RPAP1: variants seen among roughly 807,000 people sequenced by gnomAD.
The protein encoded by RPAP1 is RNA polymerase II-associated protein 1.
In RPAP1, 109 loss-of-function variants were observed where a neutral mutation model predicts 142.4. That is an observed-to-expected ratio of 0.77 (90% CI 0.66 to 0.90). RPAP1 has a LOEUF of 0.90. RPAP1 is among the 40% of genes least tolerant of loss of function. RPAP1 has a pLI of 0.00. For missense variants in RPAP1, 1,546 were observed against 1,751.7 expected (o/e 0.88, Z 2.10); for synonymous variants, 704 against 738.9 (o/e 0.95, Z 0.77).
intron 10 of RPAP1, 21 bp from the exon 11 acceptor site, chr15:41,528,048 C>T: frequency 6.2e-7 from 1 of 1,612,382 alleles, no homozygotes; most frequent in Non-Finnish European, 8.5e-7. Flanking sequence ...GAGGGTAAAA[C>T]CTTGCTGAAG....
intron 9 of RPAP1, 45 bp from the exon 10 acceptor site, chr15:41,528,381 G>T: frequency 1.5e-6 from 2 of 1,364,580 alleles, no homozygotes; most frequent in South Asian, 2.5e-5. Context: ...ATACAGCACA[G>T]TGCCCCCAAA....
At chr15:41,543,915 T>G (rs1412670182) in intron 1 of RPAP1, 1 of 152,208 alleles carries the variant, frequency 6.6e-6, no homozygotes, top group Admixed American at 6.5e-5. Flanking sequence ...GCTCTTACAT[T>G]GCAGCCTATC....
At chr15:41,531,452 C>T (rs2051846578) in intron 6 of RPAP1, among the ~76,000 whole-genome samples, 1 of 151,862 alleles carries the variant, frequency 6.6e-6, no homozygotes, top group Non-Finnish European at 1.5e-5. Flanking sequence ...TCCACTGGCC[C>T]AGGTTCCTAT....
chr15:41,534,418 C>CT (rs1383102870), intron 6 of RPAP1, among the ~76,000 whole-genome samples: 1 of 149,230 alleles, frequency 6.7e-6, no homozygotes, highest in African/African-American at 2.5e-5. Flanking sequence ...AACTCTGTCC[C>CT]CCCAAAAAAA....
chr15:41,523,783 G>A lies in RPAP1; in HGVS notation c.2424C>T (p.Ala808=), dbSNP rs1295176232. The stretch of plus-strand genomic sequence containing the variant: ...AGGAGGCACTCACTTGCTGGCTCCA[G>A]GCCTGGTAGTAGGCTCCCAGGAACA... ...CLLFLGAYYQ[A]WSQQPSSCPE... Residue 808 remains alanine, a synonymous_variant, in exon 17 of 25, where the codon GCC becomes GCT. Transcript: ENST00000304330. 2 of 1,600,414 alleles carry A rather than the reference G, an allele frequency of 1.2e-6. No individual in the cohort carries two copies. The highest frequency in any genetic ancestry group is 3.4e-5 in the Admixed American group (2 of 58,184).
In RPAP1 at chr15:41,537,032, A is replaced by C; in HGVS notation, c.94T>G (p.Leu32Val). ...CCGCCCCTATTTCCTTTCTTCACCA[A>C]CTGCACTGCTGGGGCTGCACCAGCT... ...LAAGAAPAVQ[L>V]VKKGNRGGGD... The change falls in exon 2 of 25, where the codon TTG (leucine) becomes GTG (valine). Residue 32 changes from leucine (L) to valine (V), a missense_variant. By Grantham distance (32) the Leu-to-Val change is conservative. Coordinates refer to ENST00000304330, the MANE Select transcript of RPAP1 (RefSeq NM_015540.4). 1 of 1,613,700 alleles carries C rather than the reference A, an allele frequency of 6.2e-7. No individual in the cohort carries two copies.
rs893571850 is a variant in RPAP1, at chr15:41,529,621, C to T, written c.1060-53G>A. The T allele has an allele frequency of 1.9e-5, 24 of 1,266,064 alleles. No individual in the cohort carries two copies. The Admixed American group carries it at 2.2e-4, about 12-fold the overall frequency. 78.4% of individuals were successfully genotyped at this position (1,266,064 alleles called of 1,614,324 possible). ...TCTGGGGGCTCCAGCAACCTTCCCA[C>T]ACCCACTCCCCACCTTTAATCCCAG... On this transcript the variant is annotated intron_variant, in intron 8 of 24. Coordinates refer to ENST00000304330, the MANE Select transcript of RPAP1 (RefSeq NM_015540.4).
chr15:41,527,619 G>A lies in RPAP1; in HGVS notation c.1429-14C>T, dbSNP rs373667870. ...GTCGAGGAGCTCCTGCCAGAGGAAC[G>A]GGAGTTGGGGGGCAATGCTGAAGGG... On this transcript the variant is annotated splice_polypyrimidine_tract_variant and intron_variant, in intron 11 of 24. Coordinates refer to ENST00000304330, the MANE Select transcript of RPAP1 (RefSeq NM_015540.4). The A allele has an allele frequency of 1.1e-5, 17 of 1,603,316 alleles. No individual in the cohort carries two copies. Among genetic ancestry groups the A allele is most frequent in the East Asian group, 2.2e-5 (1 of 44,722 alleles).
At chr15:41,529,341 G>C (rs2051824988) in intron 9 of RPAP1, 129 bp downstream of exon 9, 4 of 649,416 alleles carry the variant, frequency 6.2e-6, no homozygotes, top group African/African-American at 3.7e-5. Flanking sequence ...TCCAAAAAAA[G>C]AAACTGAATG....
In RPAP1 at chr15:41,527,206, G is replaced by A. The variant is rs755437936; in HGVS notation, c.1707C>T (p.Leu569=). 2 of 1,614,196 alleles carry A rather than the reference G, an allele frequency of 1.2e-6. No individual in the cohort carries two copies. The highest frequency in any genetic ancestry group is 2.2e-5 in the East Asian group (1 of 44,892). ...CCAGGGAATGCCGGGCCAGGCGGAT[G>A]AGCACAGCCAGGATGTCAAGGACCA... ...PAVVLDILAV[L]IRLARHSLES... is the part of the protein sequence containing the mutation. Residue 569 remains leucine (L), a synonymous_variant, in exon 13 of 25, where the codon CTC becomes CTT. Coordinates refer to ENST00000304330, the MANE Select transcript of RPAP1 (RefSeq NM_015540.4).
chr15:41,517,723 G>A, intron 24 of RPAP1, 32 bp from the exon 25 acceptor site: 1 of 1,613,842 alleles, frequency 6.2e-7, no homozygotes, highest in East Asian at 2.2e-5. Context: ...TATGAAGTGG[G>A]TAATGAGATC....
chr15:41,540,849 TA>T (rs2051965375), intron 1 of RPAP1, among the ~76,000 whole-genome samples: 1 of 152,178 alleles, frequency 6.6e-6, no homozygotes, highest in Non-Finnish European at 1.5e-5. Context: ...GCAACTACAC[TA>T]AGGTTTCTCA....
chr15:41,518,004 A>C lies in RPAP1; in HGVS notation c.3972+2T>G. On this transcript the variant is annotated splice_donor_variant, in intron 23 of 24. Coordinates refer to ENST00000304330, the MANE Select transcript of RPAP1 (RefSeq NM_015540.4). LOFTEE classifies it high-confidence loss of function. ...TCCTCTGAAGATGGAGATGTAACTTACTGAGCTCTGTGGGTCCTGAGAGAA... is the reference window on the plus strand; with the variant it reads ...TCCTCTGAAGATGGAGATGTAACTTCCTGAGCTCTGTGGGTCCTGAGAGAA... 2 of 1,614,162 alleles carry C rather than the reference A, an allele frequency of 1.2e-6. No homozygotes were observed. The highest frequency in any genetic ancestry group is 2.7e-5 in the African/African-American group (2 of 75,044).
chr15:41,527,655 G>A (rs763057762), intron 11 of RPAP1, 50 bp from the exon 12 acceptor site: 1 of 1,556,512 alleles, frequency 6.4e-7, no homozygotes, highest in East Asian at 2.3e-5. Context: ...GCCAGGAAAT[G>A]GATCCAGGAG....
Position 41,524,199 on chromosome 15 carries a change from T to C in RPAP1, c.2131A>G (p.Thr711Ala). The change falls in exon 16 of 25, where the codon ACC (threonine) becomes GCC (alanine). Residue 711 changes from threonine to alanine, a missense_variant. Physicochemically the swap from Thr to Ala is moderately conservative, Grantham distance 58. This residue lies in a region of RPAP1 where 1,333 missense variants were observed against 1,486.6 expected (regional missense o/e 0.90). Transcript: ENST00000304330. ...ATGGACAGGGGTTGAGGTGGGTGGG[T>C]GCTGAGCTCCCGCGGCACCACCTGC... Reference protein sequence around the residue: ...ALQVVPRELSTHPPQPLSMQR... With the variant: ...ALQVVPRELSAHPPQPLSMQR... 1 of 1,579,130 alleles carries C rather than the reference T, an allele frequency of 6.3e-7. No individual in the cohort carries two copies. Among genetic ancestry groups the C allele is most frequent in the South Asian group, 1.2e-5 (1 of 86,316 alleles).
intron 3 of RPAP1, 113 bp from the exon 4 acceptor site, chr15:41,536,331 G>T: frequency 7.7e-7 from 1 of 1,303,018 alleles, no homozygotes; most frequent in Non-Finnish European, 1.1e-6. Flanking sequence ...GGGGGTTACG[G>T]ACCCTCCTCC....
Position 41,522,910 on chromosome 15 carries a change from GCTT to G in RPAP1, c.2594_2596del (p.Glu865del). On this transcript the variant is annotated inframe_deletion, in exon 19 of 25. Transcript: ENST00000304330. Reference sequence around the variant, plus strand: ...GCCCAGTGACACGAGGCTGGGGGGAGCTTCAAGGGCTGGCACACAGGACAGCGG... The same window carrying G: ...GCCCAGTGACACGAGGCTGGGGGGAGCAAGGGCTGGCACACAGGACAGCGG... The G allele has an allele frequency of 6.4e-7, 1 of 1,566,324 alleles. No individual in the cohort carries two copies. Among genetic ancestry groups the G allele is most frequent in the East Asian group, 2.3e-5 (1 of 42,794 alleles).
chr15:41,520,039 T>G, intron 22 of RPAP1: 1 of 261,850 alleles, frequency 3.8e-6, no homozygotes, highest in Non-Finnish European at 7.5e-6. Context: ...GTTCAAGCGA[T>G]TCTCCTGCCT....
At chr15:41,539,958 G>A (rs1277962743) in intron 1 of RPAP1, among the ~76,000 whole-genome samples, 1 of 152,022 alleles carries the variant, frequency 6.6e-6, no homozygotes, top group African/African-American at 2.4e-5. Flanking sequence ...ACTTGAACCT[G>A]GGAGGCGGAG....
Sources: allele counts gnomAD v4.1 joint callset (sites outside exome capture counted in the v4.1 genomes callset), GRCh38; gene constraint gnomAD v4.1.1; regional missense constraint gnomAD v4.1.1; transcripts MANE v1.5; gene names NCBI Gene and HGNC (gene_info 2026-07-23, HGNC 2026-07-21).